Variants in PRKCA observed in about 807,000 individuals in gnomAD.
PRKCA encodes the protein protein kinase C alpha type.
In PRKCA, 27 loss-of-function variants were observed where a neutral mutation model predicts 87.0. The observed-to-expected ratio is 0.31, with a 90% CI of 0.23 to 0.43. PRKCA has a LOEUF of 0.43. Ranked by LOEUF, PRKCA falls within the 20% of genes least tolerant of loss-of-function variation. The pLI, the probability that PRKCA is intolerant of heterozygous loss-of-function variation, is 1.00. For missense variants in PRKCA, 518 were observed against 852.3 expected, an observed-to-expected ratio of 0.61 and a Z score of 4.88; for synonymous variants, 329 against 311.1, an observed-to-expected ratio of 1.06 and a Z score of -0.61.
At chr17:66,551,792 A>G (rs1968342036) in intron 3 of PRKCA, among the ~76,000 whole-genome samples, 1 of 152,158 alleles carries the variant, frequency 6.6e-6, no homozygotes. Context: ...TATATATGAG[A>G]GAGAGAGGGG....
chr17:66,480,193 T>C (rs560101328), intron 2 of PRKCA, among the ~76,000 whole-genome samples: 1 of 152,166 alleles, frequency 6.6e-6, no homozygotes, highest in African/African-American at 2.4e-5. Context: ...ATGGAGACTT[T>C]CCTAGTTCCT....
chr17:66,651,199 T>G (rs1231841462), intron 5 of PRKCA, among the ~76,000 whole-genome samples: 1 of 152,134 alleles, frequency 6.6e-6, no homozygotes, highest in Non-Finnish European at 1.5e-5. Context: ...GTCAGGAAGT[T>G]CAAGTGAGAG....
chr17:66,577,478 A>G (rs1969274055), intron 3 of PRKCA, among the ~76,000 whole-genome samples: 1 of 152,108 alleles, frequency 6.6e-6, no homozygotes, highest in South Asian at 2.1e-4. Context: ...CATAGCAGCC[A>G]GGATGCCACC....
At chr17:66,490,489 GC>G (rs1348188784) in intron 2 of PRKCA, among the ~76,000 whole-genome samples, 3 of 151,570 alleles carry the variant, frequency 2.0e-5, no homozygotes, top group African/African-American at 7.3e-5. Context: ...GATTACAGGT[GC>G]CCACCACCAT....
rs569596498 is a variant in PRKCA, at chr17:66,592,869, T to G, written c.289-48486T>G. ...GTGCAGTGGCGCAATCTCGGCTCACTGCAACTTCCATCTCCTGGGTTCAAG... is the reference window on the plus strand; with the variant it reads ...GTGCAGTGGCGCAATCTCGGCTCACGGCAACTTCCATCTCCTGGGTTCAAG... On this transcript the variant is annotated intron_variant, in intron 3 of 16. Coordinates refer to ENST00000413366, the MANE Select transcript of PRKCA (RefSeq NM_002737.3). Among the ~76,000 whole-genome samples the G allele has an allele frequency of 9.3e-4, 142 of 152,388 alleles. 1 individual carries two copies. Among genetic ancestry groups the G allele is most frequent in the African/African-American group, 3.2e-3 (133 of 41,600 alleles).
At chr17:66,326,180 C>T (rs1905968682) in intron 2 of PRKCA, among the ~76,000 whole-genome samples, 3 of 152,118 alleles carry the variant, frequency 2.0e-5, no homozygotes, top group Admixed American at 6.5e-5. Context: ...AATCACACTA[C>T]GTGACTGGGT....
intron 11 of PRKCA, among the ~76,000 whole-genome samples, chr17:66,739,839 A>G (rs981994535): frequency 6.6e-6 from 1 of 151,988 alleles, no homozygotes; most frequent in Non-Finnish European, 1.5e-5. Context: ...GGAGGAGGGA[A>G]GAGGGAAGGC....
intron 2 of PRKCA, among the ~76,000 whole-genome samples, chr17:66,450,706 G>A (rs758533584): frequency 6.6e-6 from 1 of 152,158 alleles, no homozygotes. Flanking sequence ...AAGGGTAGGC[G>A]TCTGCTTTCA....
chr17:66,376,388 A>C (rs1324218178), intron 2 of PRKCA, among the ~76,000 whole-genome samples: 1 of 152,184 alleles, frequency 6.6e-6, no homozygotes, highest in Non-Finnish European at 1.5e-5. Flanking sequence ...CGGGTGGATC[A>C]CCTGAGGTCA....
intron 9 of PRKCA, among the ~76,000 whole-genome samples, chr17:66,734,968 AACTAAAAAT>A (rs1283578061): frequency 6.6e-6 from 1 of 152,212 alleles, no homozygotes; most frequent in Non-Finnish European, 1.5e-5. Context: ...TAGTTTTCAC[AACTAAAAAT>A]TAAATGTTCA....
intron 2 of PRKCA, among the ~76,000 whole-genome samples, chr17:66,402,771 A>C (rs1270642516): frequency 1.3e-5 from 2 of 152,226 alleles, no homozygotes; most frequent in Non-Finnish European, 2.9e-5. Flanking sequence ...TTTAGGGTAA[A>C]GAAGGAATAA....
chr17:66,699,172 G>A (rs1159253551), intron 8 of PRKCA, among the ~76,000 whole-genome samples: 1 of 142,150 alleles, frequency 7.0e-6, no homozygotes, highest in Admixed American at 7.2e-5. Context: ...TGAATAGCCA[G>A]TGCACTGCAG....
At chr17:66,516,562 G>T (rs550684252) in intron 3 of PRKCA, among the ~76,000 whole-genome samples, 1 of 152,140 alleles carries the variant, frequency 6.6e-6, no homozygotes, top group Non-Finnish European at 1.5e-5. Flanking sequence ...GAACCTGGGA[G>T]GCAGAGGTTG....
intron 2 of PRKCA, among the ~76,000 whole-genome samples, chr17:66,418,936 A>G (rs1029517787): frequency 1.1e-4 from 13 of 123,074 alleles, no homozygotes; most frequent in African/African-American, 4.0e-4. Flanking sequence ...TTTTTTTTGT[A>G]TTTTTAGTAG....
chr17:66,486,294 T>C (rs1915986957), intron 2 of PRKCA, among the ~76,000 whole-genome samples: 2 of 152,294 alleles, frequency 1.3e-5, no homozygotes, highest in Admixed American at 1.3e-4. Flanking sequence ...ATGAGAAAAA[T>C]CTATTTCATT....
At chr17:66,644,674 T>TG (rs1200878334) in intron 4 of PRKCA, among the ~76,000 whole-genome samples, 1 of 152,158 alleles carries the variant, frequency 6.6e-6, no homozygotes, top group Admixed American at 6.5e-5. Context: ...ACAGGTTCTT[T>TG]GGGGAGAAAA....
chr17:66,410,612 G>T (rs144451539), intron 2 of PRKCA, among the ~76,000 whole-genome samples: 1 of 152,176 alleles, frequency 6.6e-6, no homozygotes, highest in African/African-American at 2.4e-5. Flanking sequence ...GTCTCACTCT[G>T]TTACTCAGGC....
chr17:66,380,413 G>T (rs1305592379), intron 2 of PRKCA, among the ~76,000 whole-genome samples: 2 of 152,042 alleles, frequency 1.3e-5, no homozygotes, highest in African/African-American at 2.4e-5. Flanking sequence ...ACCTCATGGG[G>T]TTCTTGTGAG....
chr17:66,476,693 C>T (rs566166964), intron 2 of PRKCA, among the ~76,000 whole-genome samples: 222 of 152,146 alleles, frequency 1.5e-3, no homozygotes, highest in Non-Finnish European at 2.7e-3. Flanking sequence ...CTCAGGCTTG[C>T]CTGTTCTTCT....
Sources: gnomAD v4.1 joint callset for allele counts (sites outside exome capture counted in the v4.1 genomes callset) on GRCh38, gnomAD v4.1.1 for gene constraint, MANE v1.5 for transcripts, NCBI Gene and HGNC (gene_info 2026-07-23, HGNC 2026-07-21) for gene names.